Variants in RALGPS1 observed in about 807,000 individuals in gnomAD.
The protein encoded by RALGPS1 is ras-specific guanine nucleotide-releasing factor RalGPS1.
Under a neutral mutation model 78.8 loss-of-function variants are expected in RALGPS1, and 19 were observed. The ratio of observed to expected loss-of-function variants is 0.24; its 90% CI spans 0.17 to 0.35. The LOEUF is 0.35. RALGPS1 is among the 10% of genes least tolerant of loss of function. The probability of loss-of-function intolerance (pLI) is 1.00; values close to 1 mark genes in which losing one functional copy is unlikely to be tolerated. For synonymous variants in RALGPS1, 228 were observed against 256.3 expected (o/e 0.89, Z 1.06); for missense variants, 454 against 688.3 (o/e 0.66, Z 3.81).
At chr9:126,957,877 A>C (rs748147871) in intron 1 of RALGPS1, among the ~76,000 whole-genome samples, 1 of 151,764 alleles carries the variant, frequency 6.6e-6, no homozygotes, top group Non-Finnish European at 1.5e-5. Context: ...ACTCATGCCT[A>C]TCTATAATCC....
At chr9:127,058,248 T>C (rs1479534616) in intron 7 of RALGPS1, among the ~76,000 whole-genome samples, 1 of 152,226 alleles carries the variant, frequency 6.6e-6, no homozygotes, top group Non-Finnish European at 1.5e-5. Context: ...GCCAATCATG[T>C]AGGGCTCAAA....
intron 4 of RALGPS1, among the ~76,000 whole-genome samples, chr9:126,990,783 T>A (rs2042217099): frequency 1.3e-5 from 2 of 152,228 alleles, no homozygotes; most frequent in Non-Finnish European, 2.9e-5. Flanking sequence ...CAAAGTCTGT[T>A]TCCCTCCTGG....
rs1309901731 is a variant in RALGPS1, at chr9:127,183,744, C to T, written c.910+8962C>T. The T allele has an allele frequency of 2.5e-6, 2 of 814,544 alleles. No individual in the cohort carries two copies. Among genetic ancestry groups the T allele is most frequent in the African/African-American group, 3.5e-5 (2 of 57,714 alleles). The allele number at this position is 814,544 out of a possible 1,614,324, so 50.5% of individuals were successfully genotyped here. A position where few individuals can be genotyped will look rare whatever the true frequency, so the allele number is the denominator to read the frequency against. On this transcript the variant is annotated intron_variant, in intron 11 of 18. Coordinates refer to ENST00000259351, the MANE Select transcript of RALGPS1 (RefSeq NM_014636.3). The surrounding 1 kb of genome is among the most constrained non-coding windows in gnomAD (Gnocchi z 4.0). ...ATGTGCTCCTCTCTCTGGAAACATA[C>T]TCTCTCTGCCCGTTTATATTTTCGG... is the stretch of plus-strand genomic sequence containing the variant.
chr9:127,137,411 C>T (rs968161202), intron 8 of RALGPS1, among the ~76,000 whole-genome samples: 2 of 152,234 alleles, frequency 1.3e-5, no homozygotes, highest in Admixed American at 1.3e-4. Flanking sequence ...TGACCTGAGC[C>T]ACATGGAGAG....
At chr9:126,994,076 GA>G (rs1001943136) in intron 4 of RALGPS1, among the ~76,000 whole-genome samples, 5 of 151,476 alleles carry the variant, frequency 3.3e-5, no homozygotes, top group Admixed American at 6.6e-5. Flanking sequence ...ACAAAGATGG[GA>G]AAAAAAACAG....
intron 3 of RALGPS1, among the ~76,000 whole-genome samples, chr9:126,974,798 T>C (rs918963720): frequency 2.0e-5 from 3 of 152,280 alleles, no homozygotes; most frequent in South Asian, 2.1e-4. Flanking sequence ...CCTTGTCTCA[T>C]GTTTCTGTTG....
chr9:127,086,085 C>G (rs2051697184), intron 8 of RALGPS1, among the ~76,000 whole-genome samples: 2 of 152,114 alleles, frequency 1.3e-5, no homozygotes, highest in African/African-American at 4.8e-5. Context: ...CTTCACAGAG[C>G]TTCTGTGAAG....
intron 7 of RALGPS1, among the ~76,000 whole-genome samples, chr9:127,058,150 C>T (rs2048898798): frequency 2.0e-5 from 3 of 152,206 alleles, no homozygotes. Context: ...AATCAGCTTG[C>T]TGTGAGCAAG....
chr9:127,212,579 A>G lies in RALGPS1; in HGVS notation c.1354-48A>G. 1 of 1,366,378 alleles carries G rather than the reference A, an allele frequency of 7.3e-7. No homozygotes were observed. Among genetic ancestry groups the G allele is most frequent in the East Asian group, 2.3e-5 (1 of 43,184 alleles). 84.6% of individuals were successfully genotyped at this position (1,366,378 alleles called of 1,614,324 possible). On this transcript the variant is annotated intron_variant, in intron 15 of 18. Transcript: ENST00000259351. The surrounding 1 kb of genome is among the most constrained non-coding windows in gnomAD (Gnocchi z 6.0). ...GTCTGTAATCGGCCAGGGATCCTCT[A>G]CCCCCACGACCCCTGGTGGCATCAC...
chr9:127,129,704 G>A (rs2056877147), intron 8 of RALGPS1, among the ~76,000 whole-genome samples: 1 of 151,486 alleles, frequency 6.6e-6, no homozygotes, highest in South Asian at 2.1e-4. Context: ...TGATGTTGGG[G>A]GTTTCAGGGG....
At chr9:127,084,247 ATCCCGGCCAGTCCCACTGCC>A (rs1266233716) in intron 8 of RALGPS1, among the ~76,000 whole-genome samples, 1 of 152,074 alleles carries the variant, frequency 6.6e-6, no homozygotes, top group African/African-American at 2.4e-5. Flanking sequence ...TCTTCGCTGG[ATCCCGGCCAGTCCCACTGCC>A]TCCCCAACCT....
At chr9:126,947,539 G>A (rs922461644) in intron 1 of RALGPS1, among the ~76,000 whole-genome samples, 1 of 152,162 alleles carries the variant, frequency 6.6e-6, no homozygotes, top group Non-Finnish European at 1.5e-5. Flanking sequence ...TAAGGGATGC[G>A]CAACCTGTAG....
At chr9:127,056,085 C>T (rs2048722735) in intron 7 of RALGPS1, among the ~76,000 whole-genome samples, 1 of 152,244 alleles carries the variant, frequency 6.6e-6, no homozygotes, top group Admixed American at 6.5e-5. Flanking sequence ...GCTTCTGTTG[C>T]TCCTCTACTT....
intron 1 of RALGPS1, among the ~76,000 whole-genome samples, chr9:126,938,231 T>C (rs1436661702): frequency 1.3e-5 from 2 of 152,152 alleles, no homozygotes; most frequent in African/African-American, 4.8e-5. Flanking sequence ...TCTCTAGAAA[T>C]TGGCACGAGA....
intron 18 of RALGPS1, 82 bp downstream of exon 18, chr9:127,214,924 CCTT>C (rs1215162706): frequency 1.1e-5 from 17 of 1,587,980 alleles, no homozygotes; most frequent in Non-Finnish European, 1.5e-5. Context: ...AACAGGGTTC[CCTT>C]CTTCTTTCAG....
intron 4 of RALGPS1, among the ~76,000 whole-genome samples, chr9:127,025,011 C>A (rs1222703494): frequency 6.6e-6 from 1 of 152,128 alleles, no homozygotes; most frequent in Non-Finnish European, 1.5e-5. Context: ...ATGTGGAGAC[C>A]TTGTCTGTCA....
intron 10 of RALGPS1, 149 bp downstream of exon 10, chr9:127,168,921 C>T (rs1436173071): frequency 1.5e-6 from 1 of 650,530 alleles, no homozygotes; most frequent in African/African-American, 1.8e-5. Flanking sequence ...CGCCCAGGCC[C>T]CAGCACACAC....
intron 5 of RALGPS1, among the ~76,000 whole-genome samples, chr9:127,044,625 CA>C (rs2047596903): frequency 6.6e-6 from 1 of 152,150 alleles, no homozygotes; most frequent in East Asian, 1.9e-4. Context: ...AGGTTTGTTA[CA>C]TGAGTATATT....
intron 4 of RALGPS1, among the ~76,000 whole-genome samples, chr9:127,017,160 A>G (rs894967832): frequency 6.6e-6 from 1 of 152,226 alleles, no homozygotes; most frequent in South Asian, 2.1e-4. Flanking sequence ...ATGCATCATG[A>G]GAAATGCATC....
Sources: gnomAD v4.1 joint callset for allele counts (sites outside exome capture counted in the v4.1 genomes callset) on GRCh38, gnomAD v4.1.1 for gene constraint, Gnocchi (gnomAD v3.1) non-coding constraint, MANE v1.5 for transcripts, NCBI Gene and HGNC (gene_info 2026-07-23, HGNC 2026-07-21) for gene names.